CACNA1A: variants seen among roughly 807,000 people sequenced by gnomAD.
The protein encoded by CACNA1A is voltage-dependent P/Q-type calcium channel subunit alpha-1A.
CACNA1A carries 57 observed loss-of-function variants against 262.4 expected under a neutral mutation model. The observed-to-expected ratio is 0.22, with a 90% CI of 0.18 to 0.27. The LOEUF (loss-of-function observed/expected upper bound fraction) is 0.27. Among genes scored for constraint, CACNA1A ranks in the 10% least tolerant of loss-of-function variants. The pLI, the probability that CACNA1A is intolerant of heterozygous loss-of-function variation, is 1.00. For synonymous variants in CACNA1A, 1,431 were observed against 1,419.3 expected (o/e 1.01, Z -0.18); for missense variants, 2,526 against 3,562.8 (o/e 0.71, Z 7.41).
At chr19:13,369,233 TG>T (rs1271117446) in intron 4 of CACNA1A, among the ~76,000 whole-genome samples, 4 of 152,090 alleles carry the variant, frequency 2.6e-5, no homozygotes, top group African/African-American at 9.7e-5. Context: ...TTGCCCTTGG[TG>T]ATCAAAAGCT....
rs554430594 is a variant in CACNA1A, at chr19:13,208,963, C to T, written c.6573G>A (p.Pro2191=). ...LSMTTQSGDL[P]SKERDQERGR... ...CCCGCTCCTGGTCCCGCTCCTTCGA[C>T]GGCAGGTCCCCGGATTGGGTGGTCA... The change falls in exon 46 of 47, where the codon CCG becomes CCA. Residue 2191 remains proline (P), a synonymous_variant. Transcript: ENST00000360228. 57 of 1,537,604 alleles carry T rather than the reference C, an allele frequency of 3.7e-5. No homozygotes were observed. The South Asian group carries it at 5.0e-4, about 13-fold the overall frequency.
intron 8 of CACNA1A, 22 bp downstream of exon 8, chr19:13,334,355 GC>G: frequency 8.2e-7 from 1 of 1,212,176 alleles, no homozygotes; most frequent in South Asian, 1.2e-5. Flanking sequence ...CCATCCCTGG[GC>G]CCCAGGATGA....
chr19:13,351,803 T>C (rs1018461622), intron 6 of CACNA1A, among the ~76,000 whole-genome samples: 1 of 152,092 alleles, frequency 6.6e-6, no homozygotes, highest in African/African-American at 2.4e-5. Context: ...CCACCGCATC[T>C]GGCTAATTAA....
At chr19:13,455,863 C>G (rs554764406) in intron 1 of CACNA1A, among the ~76,000 whole-genome samples, 1 of 133,264 alleles carries the variant, frequency 7.5e-6, no homozygotes, top group East Asian at 2.6e-4. Context: ...GAAGGAGGCC[C>G]TGTCTCAAAA....
chr19:13,385,226 C>CTTTTTTTTT lies in CACNA1A; in HGVS notation c.540-13448_540-13447insAAAAAAAAA, dbSNP rs200379554. On this transcript the variant is annotated intron_variant, in intron 3 of 46. Transcript: ENST00000360228. ...GTAGGGCAGATATTTTCTATTCTTT[C>CTTTTTTTTT]TTTCTTTTTTTTTTTTTTTTTGAGA... Among the ~76,000 whole-genome samples the CTTTTTTTTT allele has an allele frequency of 4.9e-4, 67 of 137,520 alleles. 2 individuals carry two copies. The highest frequency in any genetic ancestry group is 1.1e-3 in the African/African-American group (40 of 36,190). 90.2% of individuals were successfully genotyped at this position (137,520 alleles called of 152,430 possible).
At chr19:13,285,626 C>G (rs1404644948) in intron 20 of CACNA1A, among the ~76,000 whole-genome samples, 10 of 152,060 alleles carry the variant, frequency 6.6e-5, no homozygotes, top group Non-Finnish European at 1.5e-4. Flanking sequence ...GGGAGAGTGC[C>G]AAGAGACCCA....
chr19:13,452,833 C>T (rs1191154478), intron 3 of CACNA1A, 43 bp downstream of exon 3: 1 of 1,584,254 alleles, frequency 6.3e-7, no homozygotes, highest in South Asian at 1.1e-5. Flanking sequence ...CCTCGTAATC[C>T]TTCAGCTAGT....
intron 22 of CACNA1A, chr19:13,277,527 C>T (rs1360260678): frequency 6.5e-6 from 1 of 154,956 alleles, no homozygotes; most frequent in Non-Finnish European, 1.4e-5. Flanking sequence ...CTTTCCTGGG[C>T]ATCCTGGGCG....
At chr19:13,288,556 C>T (rs1283252016) in intron 19 of CACNA1A, among the ~76,000 whole-genome samples, 3 of 152,044 alleles carry the variant, frequency 2.0e-5, no homozygotes, top group Non-Finnish European at 2.9e-5. Context: ...CCGTGCCTGG[C>T]CAGAATGTCC....
At chr19:13,475,055 C>A (rs141253812) in intron 1 of CACNA1A, among the ~76,000 whole-genome samples, 2 of 152,280 alleles carry the variant, frequency 1.3e-5, no homozygotes, top group East Asian at 3.9e-4. Context: ...AATTGGAAAG[C>A]AAGAAATATT....
rs370586411 is a variant in CACNA1A at position 13,308,290 on chromosome 19, G to A, written c.1782-39C>T. On this transcript the variant is annotated intron_variant, in intron 13 of 46. Transcript: ENST00000360228. This position sits in a 1 kb window ranked among gnomAD's most constrained non-coding sequence, Gnocchi z 4.2. ...CCAGGCGAGGACTCAGGCCAGGCGG[G>A]GGAGGCAGGGCCCCGGAGTCAGCCC... is the stretch of plus-strand genomic sequence containing the variant. The A allele has an allele frequency of 3.8e-6, 6 of 1,594,976 alleles. No homozygotes were observed. In the African/African-American group the frequency reaches 6.7e-5, roughly 18 times the overall value.
rs1297657699 is a variant in CACNA1A, at chr19:13,207,913, G to A, written c.6921C>T (p.Gly2307=). The stretch of plus-strand genomic sequence containing the variant: ...GCTGCTGCTGCGGGGGCCCCGAGCC[G>A]CCGGCCTTACGGATCACAGGGGAAT... The part of the protein sequence containing the change: ...VSYSPVIRKA[G]GSGPPQQQQQ... The change falls in exon 47 of 47, where the codon GGC becomes GGT. Residue 2307 remains glycine (G), a synonymous_variant. Coordinates refer to ENST00000360228, the MANE Select transcript of CACNA1A (RefSeq NM_001127222.2). This position sits in a 1 kb window ranked among gnomAD's most constrained non-coding sequence, Gnocchi z 5.7. 6.1e-6 allele frequency: 9 copies of A among 1,465,236 alleles called. No individual in the cohort carries two copies. Among genetic ancestry groups the A allele is most frequent in the Admixed American group, 2.4e-5 (1 of 41,234 alleles). The allele number at this position is 1,465,236 out of a possible 1,614,324, so 90.8% of individuals were successfully genotyped here. A position where few individuals can be genotyped will look rare whatever the true frequency, so the allele number is the denominator to read the frequency against.
At chr19:13,390,858 G>A (rs1223027519) in intron 3 of CACNA1A, among the ~76,000 whole-genome samples, 1 of 152,112 alleles carries the variant, frequency 6.6e-6, no homozygotes, top group Non-Finnish European at 1.5e-5. Flanking sequence ...CCAGCATCTG[G>A]ATGTAAGGTT....
At position 13,506,255 on chromosome 19, in the gene CACNA1A, CT is replaced by C. The variant is rs1741576013; in HGVS notation, c.-32del. 14 of 1,414,490 alleles carry C rather than the reference CT, an allele frequency of 9.9e-6. No individual in the cohort carries two copies. Among genetic ancestry groups the C allele is most frequent in the Non-Finnish European group, 1.3e-5 (14 of 1,096,676 alleles). The allele number at this position is 1,414,490 out of a possible 1,614,324, so 87.6% of individuals were successfully genotyped here. Reference sequence around the variant, plus strand: ...AAAGAGCAAAGGGCTCCGGGTTACGCTGCGGCGAACGATGCGGAAGACGCCG... The same window carrying C: ...AAAGAGCAAAGGGCTCCGGGTTACGCGCGGCGAACGATGCGGAAGACGCCG... On this transcript the variant is annotated 5_prime_UTR_variant, in exon 1 of 47. An upstream open reading frame in the 5' UTR gains an earlier in-frame stop. Transcript: ENST00000360228.
intron 28 of CACNA1A, among the ~76,000 whole-genome samples, chr19:13,255,465 C>T (rs1453612809): frequency 6.6e-6 from 1 of 152,078 alleles, no homozygotes; most frequent in Non-Finnish European, 1.5e-5. Flanking sequence ...TGAGATGTCA[C>T]CAACTGCCAA....
At chr19:13,402,873 C>CATATATATATAT (rs71170507) in intron 3 of CACNA1A, among the ~76,000 whole-genome samples, 10 of 72,812 alleles carry the variant, frequency 1.4e-4, no homozygotes, top group Admixed American at 3.1e-4. Context: ...CACACACACA[C>CATATATATATAT]ATATATATAT....
Position 13,236,541 on chromosome 19 carries a change from G to T in CACNA1A, c.4951-811C>A, listed in dbSNP as rs2055884581. ...CGCTGCCCGCTGAGTCGGAGAAGAT[G>T]CATTTGGGGCCCTTTTCCCCCCTCT... On this transcript the variant is annotated intron_variant, in intron 31 of 46. Transcript: ENST00000360228. The surrounding 1 kb of genome is among the most constrained non-coding windows in gnomAD (Gnocchi z 4.6). 1 of 153,130 alleles carries T rather than the reference G, an allele frequency of 6.5e-6. No homozygotes were observed. Among genetic ancestry groups the T allele is most frequent in the Non-Finnish European group, 1.5e-5 (1 of 68,396 alleles). 9.5% of individuals were successfully genotyped at this position (153,130 alleles called of 1,614,324 possible). A position where few individuals can be genotyped will look rare whatever the true frequency, so the allele number is the denominator to read the frequency against.
In CACNA1A at chr19:13,214,729, C is replaced by T; in HGVS notation, c.5732-121G>A. ...CCAATCTTTCTGGTCCCCATGGGGT[C>T]TCCAGTTCCCCAACGGCCTGGCCCA... On this transcript the variant is annotated intron_variant, in intron 38 of 46. Coordinates refer to ENST00000360228, the MANE Select transcript of CACNA1A (RefSeq NM_001127222.2). This position sits in a 1 kb window ranked among gnomAD's most constrained non-coding sequence, Gnocchi z 4.1. 1 of 739,890 alleles carries T rather than the reference C, an allele frequency of 1.4e-6. No individual in the cohort carries two copies. The highest frequency in any genetic ancestry group is 2.3e-6 in the Non-Finnish European group (1 of 435,076). 45.8% of individuals were successfully genotyped at this position (739,890 alleles called of 1,614,324 possible).
rs536630937 is a variant in CACNA1A, at chr19:13,308,552, T to C, written c.1669-24A>G. ...ACCTAGGGCAGAGAACCTGGTCTCA[T>C]GTCCAGGGACAGTGTCTGGGCTCCA... On this transcript the variant is annotated intron_variant, in intron 12 of 46. Transcript: ENST00000360228. The surrounding 1 kb of genome is among the most constrained non-coding windows in gnomAD (Gnocchi z 4.2). 2.9e-5 allele frequency: 43 copies of C among 1,479,136 alleles called. No homozygotes were observed. The South Asian group carries it at 3.9e-4, about 13-fold the overall frequency. The allele number at this position is 1,479,136 out of a possible 1,614,324, so 91.6% of individuals were successfully genotyped here.
Sources: allele counts gnomAD v4.1 joint callset (sites outside exome capture counted in the v4.1 genomes callset), GRCh38; gene constraint gnomAD v4.1.1; non-coding constraint Gnocchi (gnomAD v3.1); transcripts MANE v1.5; gene names NCBI Gene and HGNC (gene_info 2026-07-23, HGNC 2026-07-21).